Variants in SLC39A12 observed in about 807,000 individuals in gnomAD.
SLC39A12 encodes solute carrier family 39 member 12.
SLC39A12 carries 63 observed loss-of-function variants against 71.1 expected under a neutral mutation model. That is an observed-to-expected ratio of 0.89 (90% CI 0.72 to 1.09). The LOEUF (loss-of-function observed/expected upper bound fraction) is 1.09, where lower values mean the gene tolerates loss of function less well. Ranked by LOEUF, SLC39A12 falls within the 50% of genes least tolerant of loss-of-function variation. SLC39A12 has a pLI of 0.00. For synonymous variants in SLC39A12, 351 were observed against 301.3 expected (o/e 1.16, Z -1.71); for missense variants, 892 against 812.6 (o/e 1.10, Z -1.19).
chr10:17,998,095 T>G (rs1437426653), intron 10 of SLC39A12, among the ~76,000 whole-genome samples: 1 of 152,168 alleles, frequency 6.6e-6, no homozygotes, highest in African/African-American at 2.4e-5. Context: ...GCCTCCTGGG[T>G]TTAAGCGATT....
At chr10:18,038,593 A>G (rs1403807729) in intron 12 of SLC39A12, among the ~76,000 whole-genome samples, 1 of 152,104 alleles carries the variant, frequency 6.6e-6, no homozygotes, top group African/African-American at 2.4e-5. Context: ...GGGAGGTTGC[A>G]GTGAGCTGAG....
chr10:18,003,816 A>G (rs1004964328), intron 12 of SLC39A12, among the ~76,000 whole-genome samples: 8 of 152,234 alleles, frequency 5.3e-5, no homozygotes, highest in Admixed American at 1.3e-4. Context: ...TATTTATACA[A>G]TGGAAAATAA....
intron 12 of SLC39A12, among the ~76,000 whole-genome samples, chr10:18,021,304 T>G (rs1325225108): frequency 1.3e-5 from 2 of 152,046 alleles, no homozygotes; most frequent in African/African-American, 4.8e-5. Flanking sequence ...CTGTGTTTTC[T>G]AACCTGTTCC....
intron 12 of SLC39A12, among the ~76,000 whole-genome samples, chr10:18,005,198 T>C (rs1835977094): frequency 6.6e-6 from 1 of 152,068 alleles, no homozygotes; most frequent in Non-Finnish European, 1.5e-5. Context: ...TTAACAAACC[T>C]GCATATGTAC....
At position 18,027,595 on chromosome 10, in the gene SLC39A12, A is replaced by G. The variant is rs149065232; in HGVS notation, c.1948-15110A>G. On this transcript the variant is annotated intron_variant, in intron 12 of 12. Coordinates refer to ENST00000377369, the MANE Select transcript of SLC39A12 (RefSeq NM_001145195.2). The stretch of plus-strand genomic sequence containing the variant: ...AGGCTGAGCTTTCAGCAATTCATTC[A>G]TTGCAGTCAGATTTTCTTAACCTTC... Among the ~76,000 whole-genome samples, 204 of 152,316 alleles carry G rather than the reference A, an allele frequency of 1.3e-3. 1 individual carries two copies. The highest frequency in any genetic ancestry group is 6.8e-3 in the Middle Eastern group (2 of 294).
intron 12 of SLC39A12, among the ~76,000 whole-genome samples, chr10:18,037,878 G>A (rs1382948176): frequency 2.0e-5 from 3 of 151,748 alleles, no homozygotes; most frequent in Non-Finnish European, 4.4e-5. Flanking sequence ...AAATTAGCCA[G>A]GCATGGTGGT....
chr10:17,954,444 T>C (rs1038174831), intron 2 of SLC39A12, among the ~76,000 whole-genome samples: 1 of 151,928 alleles, frequency 6.6e-6, no homozygotes, highest in Non-Finnish European at 1.5e-5. Context: ...TTAGTAGAGA[T>C]GGGGTTTCAC....
At chr10:17,973,289 G>C (rs75588245) in intron 4 of SLC39A12, among the ~76,000 whole-genome samples, 2,058 of 152,192 alleles carry the variant, frequency 0.014, 40 homozygotes, top group African/African-American at 0.043. Flanking sequence ...AACAGTTACA[G>C]TGTTATAGAA....
chr10:17,970,917 A>G (rs1349187794), intron 4 of SLC39A12, among the ~76,000 whole-genome samples: 1 of 152,016 alleles, frequency 6.6e-6, no homozygotes, highest in East Asian at 1.9e-4. Context: ...GTTCTCATTC[A>G]TTATGATACT....
At chr10:17,972,142 A>G (rs1163282552) in intron 4 of SLC39A12, among the ~76,000 whole-genome samples, 1 of 152,178 alleles carries the variant, frequency 6.6e-6, no homozygotes, top group Non-Finnish European at 1.5e-5. Context: ...ATAGTTTTCA[A>G]AAATTCCTCT....
At chr10:17,978,483 TG>T (rs1161460561) in intron 5 of SLC39A12, among the ~76,000 whole-genome samples, 1 of 152,218 alleles carries the variant, frequency 6.6e-6, no homozygotes, top group African/African-American at 2.4e-5. Context: ...AATAGGAATC[TG>T]TTGAAGTTGA....
chr10:17,972,149 C>G (rs1057028484), intron 4 of SLC39A12, among the ~76,000 whole-genome samples: 1 of 151,984 alleles, frequency 6.6e-6, no homozygotes, highest in African/African-American at 2.4e-5. Flanking sequence ...TCAAAAATTC[C>G]TCTTGTTATT....
chr10:17,987,515 C>A lies in SLC39A12; in HGVS notation c.1133C>A (p.Thr378Lys). Residue 378 changes from threonine to lysine, a missense_variant, in exon 7 of 13, where the codon ACA (threonine) becomes AAA (lysine). By Grantham distance (78) the Thr-to-Lys change is moderately conservative. Coordinates refer to ENST00000377369, the MANE Select transcript of SLC39A12 (RefSeq NM_001145195.2). ...GYSTVAVTLL[T>K]LGSMLGTALV... ...AGCACGGTGGCTGTCACCCTTCTCA[C>A]ACTGGGCTCCATGCTGGGGACAGCG... is the stretch of plus-strand genomic sequence containing the variant. 1 of 1,614,118 alleles carries A rather than the reference C, an allele frequency of 6.2e-7. No individual in the cohort carries two copies. Among genetic ancestry groups the A allele is most frequent in the Non-Finnish European group, 8.5e-7 (1 of 1,180,024 alleles).
At chr10:18,036,645 G>T (rs899982219) in intron 12 of SLC39A12, among the ~76,000 whole-genome samples, 1 of 150,840 alleles carries the variant, frequency 6.6e-6, no homozygotes, top group African/African-American at 2.4e-5. Context: ...GACCGGAGCT[G>T]TTCCTATTCG....
At chr10:17,964,114 C>G (rs2130782930) in intron 3 of SLC39A12, among the ~76,000 whole-genome samples, 1 of 152,322 alleles carries the variant, frequency 6.6e-6, no homozygotes, top group Non-Finnish European at 1.5e-5. Context: ...CAAAGGACTT[C>G]AGGGATGGGA....
chr10:18,002,954 A>G, intron 11 of SLC39A12: 2 of 475,656 alleles, frequency 4.2e-6, no homozygotes, highest in East Asian at 6.8e-5. Flanking sequence ...GGAGCAGCCA[A>G]AGGAATGGAA....
At chr10:18,025,777 A>G (rs981650578) in intron 12 of SLC39A12, among the ~76,000 whole-genome samples, 3 of 152,118 alleles carry the variant, frequency 2.0e-5, no homozygotes, top group African/African-American at 7.2e-5. Flanking sequence ...GTCAAATTGT[A>G]TTTCTAGTTC....
chr10:17,998,914 T>C (rs753575481), intron 10 of SLC39A12, among the ~76,000 whole-genome samples: 2 of 152,236 alleles, frequency 1.3e-5, no homozygotes, highest in Non-Finnish European at 2.9e-5. Context: ...AGTATCCTCT[T>C]TCTATTTTTA....
At chr10:17,987,684 C>T in intron 7 of SLC39A12, 33 bp downstream of exon 7, 1 of 1,609,254 alleles carries the variant, frequency 6.2e-7, no homozygotes, top group South Asian at 1.1e-5. Context: ...AGATAAAGTT[C>T]ACTTCATTGC....
Sources: gnomAD v4.1 joint callset for allele counts (sites outside exome capture counted in the v4.1 genomes callset) on GRCh38, gnomAD v4.1.1 for gene constraint, MANE v1.5 for transcripts, NCBI Gene and HGNC (gene_info 2026-07-23, HGNC 2026-07-21) for gene names.